The following PCDH11X variants were observed in gnomAD, a reference collection of about 807,000 sequenced individuals.
The protein encoded by PCDH11X is protocadherin 11 X-linked, also known as protocadherin-11 X-linked.
In PCDH11X, 18 loss-of-function variants were observed where a neutral mutation model predicts 53.3. That is an observed-to-expected ratio of 0.34 (90% CI 0.23 to 0.50). The LOEUF is 0.50. PCDH11X is among the 20% of genes least tolerant of loss of function. The pLI, the probability that PCDH11X is intolerant of heterozygous loss-of-function variation, is 0.98. For synonymous variants in PCDH11X, 279 were observed against 393.3 expected, an observed-to-expected ratio of 0.71 and a Z score of 3.44; for missense variants, 570 against 1,032.4, an observed-to-expected ratio of 0.55 and a Z score of 6.14.
intron 6 of PCDH11X, among the ~76,000 whole-genome samples, chrX:91,946,599 A>ATATG (rs58031232): frequency 0.04 from 3,016 of 75,978 alleles, 106 homozygotes; most frequent in African/African-American, 0.067. Context: ...ATATATATAT[A>ATATG]GCTATTTAAA....
At chrX:92,354,574 G>T (rs1364943035) in intron 8 of PCDH11X, among the ~76,000 whole-genome samples, 1 of 111,116 alleles carries the variant, frequency 9.0e-6, no homozygotes, top group Non-Finnish European at 1.9e-5. Flanking sequence ...TGAACAAGAA[G>T]TGAAACTGGA....
intron 8 of PCDH11X, among the ~76,000 whole-genome samples, chrX:92,300,718 C>G (rs899361362): frequency 8.9e-6 from 1 of 111,858 alleles, no homozygotes; most frequent in Non-Finnish European, 1.9e-5. Flanking sequence ...ACATCGTGAT[C>G]CACCTGCTTC....
chrX:92,277,776 G>T (rs982032251), intron 8 of PCDH11X, among the ~76,000 whole-genome samples: 1 of 110,755 alleles, frequency 9.0e-6, no homozygotes, highest in African/African-American at 3.3e-5. Context: ...CTCTAGAAAA[G>T]TGGGACTTGC....
At position 92,129,987 on chromosome X, in the gene PCDH11X, T is replaced by C. The variant is rs1355284668; in HGVS notation, c.3034-71388T>C. Reference sequence around the variant, plus strand: ...GCGCACACGCACACGCACACGCACATGCACACACACACATTTCCAAATTTA... The same window carrying C: ...GCGCACACGCACACGCACACGCACACGCACACACACACATTTCCAAATTTA... On this transcript the variant is annotated intron_variant, in intron 6 of 10. Coordinates refer to ENST00000682573, the MANE Select transcript of PCDH11X (RefSeq NM_032968.5). Among the ~76,000 whole-genome samples, 4 of 111,532 alleles carry C rather than the reference T, an allele frequency of 3.6e-5. No homozygotes were observed. In the South Asian group the frequency reaches 1.1e-3, roughly 31 times the overall value.
At chrX:92,291,831 A>G (rs2068499042) in intron 8 of PCDH11X, among the ~76,000 whole-genome samples, 1 of 107,782 alleles carries the variant, frequency 9.3e-6, no homozygotes, top group African/African-American at 3.4e-5. Context: ...GACTTAGTCT[A>G]CCATAGGGCA....
chrX:92,248,170 C>A (rs988336304), intron 7 of PCDH11X, among the ~76,000 whole-genome samples: 1 of 111,057 alleles, frequency 9.0e-6, no homozygotes, highest in Non-Finnish European at 1.9e-5. Context: ...TCCCAGAAGA[C>A]AATATGTTTC....
chrX:92,551,771 T>C (rs1421183474), intron 10 of PCDH11X, among the ~76,000 whole-genome samples: 1 of 110,928 alleles, frequency 9.0e-6, no homozygotes, highest in Middle Eastern at 4.2e-3. Context: ...CATACAAATA[T>C]CCAATTTTCC....
Position 92,531,274 on chromosome X carries a change from CAG to C in PCDH11X, c.3367+62956_3367+62957del, listed in dbSNP as rs1357792852. Reference sequence around the variant, plus strand: ...AATACATAGGTACTATCAAAATTGCCAGAGACTCCTTTCAGTAGAATGTCAGT... The same window carrying C: ...AATACATAGGTACTATCAAAATTGCCAGACTCCTTTCAGTAGAATGTCAGT... On this transcript the variant is annotated intron_variant, in intron 10 of 10. Coordinates refer to ENST00000682573, the MANE Select transcript of PCDH11X (RefSeq NM_032968.5). Among the ~76,000 whole-genome samples, 12 of 111,159 alleles carry C rather than the reference CAG, an allele frequency of 1.1e-4. No individual in the cohort carries two copies. In the East Asian group the frequency reaches 2.8e-3, roughly 26 times the overall value.
At chrX:92,038,360 A>C (rs1410128599) in intron 6 of PCDH11X, among the ~76,000 whole-genome samples, 1 of 110,406 alleles carries the variant, frequency 9.1e-6, no homozygotes, top group Non-Finnish European at 1.9e-5. Flanking sequence ...TTGGTGCCCT[A>C]TGTCCCAGGA....
chrX:92,243,365 C>G (rs1440875382), intron 7 of PCDH11X, among the ~76,000 whole-genome samples: 1 of 109,404 alleles, frequency 9.1e-6, no homozygotes, highest in African/African-American at 3.3e-5. Flanking sequence ...AAAGGATACC[C>G]TTCCTTCATT....
At chrX:92,109,688 T>C (rs1188731292) in intron 6 of PCDH11X, among the ~76,000 whole-genome samples, 1 of 112,266 alleles carries the variant, frequency 8.9e-6, no homozygotes, top group African/African-American at 3.2e-5. Flanking sequence ...ATTCCTACTC[T>C]TGTAGCTAGT....
chrX:91,914,831 A>G (rs2147808698), intron 6 of PCDH11X, among the ~76,000 whole-genome samples: 1 of 111,879 alleles, frequency 8.9e-6, no homozygotes, highest in South Asian at 3.7e-4. Flanking sequence ...TTGAGCGAAT[A>G]ATTGAGGGTA....
chrX:92,081,116 A>T (rs183784624), intron 6 of PCDH11X, among the ~76,000 whole-genome samples: 1 of 111,622 alleles, frequency 9.0e-6, no homozygotes, highest in East Asian at 2.8e-4. Flanking sequence ...AATTCCTTCA[A>T]TACTAATAAA....
intron 6 of PCDH11X, among the ~76,000 whole-genome samples, chrX:92,178,368 A>G (rs1198112558): frequency 1.8e-5 from 2 of 111,851 alleles, no homozygotes; most frequent in Non-Finnish European, 3.8e-5. Flanking sequence ...TGCATCTAGC[A>G]ACAGACATAT....
chrX:92,209,395 C>T (rs1304713472), intron 7 of PCDH11X, among the ~76,000 whole-genome samples: 1 of 111,925 alleles, frequency 8.9e-6, no homozygotes, highest in African/African-American at 3.2e-5. Context: ...ATGGCAAAAA[C>T]AAATTGGCTA....
chrX:92,420,580 A>T, intron 9 of PCDH11X: 1 of 318,863 alleles, frequency 3.1e-6, no homozygotes. Context: ...AAAGTTTTAC[A>T]TTAGCAGTTA....
intron 6 of PCDH11X, among the ~76,000 whole-genome samples, chrX:91,956,687 AT>A (rs1195396179): frequency 4.6e-5 from 5 of 109,157 alleles, no homozygotes; most frequent in African/African-American, 1.7e-4. Context: ...CCCTTTTAAC[AT>A]TTTTTCTTCC....
intron 6 of PCDH11X, among the ~76,000 whole-genome samples, chrX:92,066,703 T>C (rs928172504): frequency 8.9e-6 from 1 of 112,729 alleles, no homozygotes; most frequent in Non-Finnish European, 1.9e-5. Flanking sequence ...GCAACTATAC[T>C]GAATTTATTT....
chrX:92,132,659 A>G (rs1431837545), intron 6 of PCDH11X, among the ~76,000 whole-genome samples: 8 of 55,888 alleles, frequency 1.4e-4, no homozygotes, highest in East Asian at 1.9e-3. Context: ...ATATATATGT[A>G]TATATATATG....
Sources: gnomAD v4.1 joint callset for allele counts (sites outside exome capture counted in the v4.1 genomes callset) on GRCh38, gnomAD v4.1.1 for gene constraint, MANE v1.5 for transcripts, NCBI Gene and HGNC (gene_info 2026-07-23, HGNC 2026-07-21) for gene names.